The following MYBL1 variants were observed in gnomAD, a reference collection of about 807,000 sequenced individuals.
The protein encoded by MYBL1 is MYB proto-oncogene like 1.
MYBL1 carries 17 observed loss-of-function variants against 96.3 expected under a neutral mutation model. The observed-to-expected ratio is 0.18, with a 90% CI of 0.12 to 0.26. The LOEUF is 0.26. Among genes scored for constraint, MYBL1 ranks in the 10% least tolerant of loss-of-function variants. The pLI is 1.00. For synonymous variants in MYBL1, 282 were observed against 292.7 expected, an observed-to-expected ratio of 0.96 and a Z score of 0.37; for missense variants, 701 against 882.9, an observed-to-expected ratio of 0.79 and a Z score of 2.61.
intron 1 of MYBL1, among the ~76,000 whole-genome samples, chr8:66,607,237 AG>A (rs1419509239): frequency 6.6e-6 from 1 of 152,230 alleles, no homozygotes; most frequent in Non-Finnish European, 1.5e-5. Context: ...TAAATTGTTA[AG>A]TTCGACATGC....
intron 9 of MYBL1, among the ~76,000 whole-genome samples, chr8:66,577,681 C>A (rs1024922932): frequency 1.3e-5 from 2 of 152,004 alleles, no homozygotes; most frequent in African/African-American, 4.8e-5. Flanking sequence ...TCAGTGCCAT[C>A]CCCATCAAGC....
intron 8 of MYBL1, among the ~76,000 whole-genome samples, chr8:66,583,549 T>C (rs1257099073): frequency 1.4e-5 from 2 of 147,294 alleles, no homozygotes; most frequent in Non-Finnish European, 3.0e-5. Flanking sequence ...TTTAAAGAAA[T>C]AAACGAAATT....
chr8:66,599,297 C>A (rs1005822602), intron 3 of MYBL1, among the ~76,000 whole-genome samples, 155 bp from the exon 4 acceptor site: 10 of 152,112 alleles, frequency 6.6e-5, no homozygotes, highest in Non-Finnish European at 1.2e-4. Flanking sequence ...CATATCTCTG[C>A]CCCAATTATG....
In MYBL1 at chr8:66,566,689, T is replaced by C. The variant is rs1808516748; in HGVS notation, c.1945A>G (p.Met649Val). ...TQLLTEDISDMQSENRFTTSL... is the reference protein window; with the variant it reads ...TQLLTEDISDVQSENRFTTSL... ...AATAATAATCCTTTACAAACCTGCA[T>C]GTCTGAAATGTCTTCAGTCAACAGT... The change falls in exon 14 of 16, where the codon ATG (methionine) becomes GTG (valine). Residue 649 changes from methionine (M) to valine (V), a missense_variant. By Grantham distance (21) the Met-to-Val change is conservative (BLOSUM62 1). This residue lies in a region of MYBL1 where 137 missense variants were observed against 137.5 expected (regional missense o/e 1.00). Transcript: ENST00000522677. 2 of 1,583,952 alleles carry C rather than the reference T, an allele frequency of 1.3e-6. No homozygotes were observed. The highest frequency in any genetic ancestry group is 1.3e-5 in the African/African-American group (1 of 74,400).
chr8:66,591,181 T>C (rs1474268481), intron 8 of MYBL1, among the ~76,000 whole-genome samples: 1 of 151,984 alleles, frequency 6.6e-6, no homozygotes, highest in African/African-American at 2.4e-5. Flanking sequence ...ACCTAGTCTC[T>C]ACTAAAAATA....
At chr8:66,568,133 T>C (rs1162198522) in intron 12 of MYBL1, among the ~76,000 whole-genome samples, 1 of 149,900 alleles carries the variant, frequency 6.7e-6, no homozygotes, top group Non-Finnish European at 1.5e-5. Context: ...TTAGAGAGAA[T>C]GGTATTCATA....
At chr8:66,576,486 A>G (rs1001040787) in intron 9 of MYBL1, 111 bp from the exon 10 acceptor site, 51 of 1,282,760 alleles carry the variant, frequency 4.0e-5, no homozygotes, top group Non-Finnish European at 5.2e-5. Flanking sequence ...TTTTATCAGT[A>G]AAAATGCTTT....
intron 8 of MYBL1, among the ~76,000 whole-genome samples, chr8:66,581,789 G>A (rs1380936207): frequency 1.3e-5 from 2 of 152,050 alleles, no homozygotes; most frequent in Non-Finnish European, 2.9e-5. Flanking sequence ...AGAAGAGAAT[G>A]AAATGATATA....
intron 8 of MYBL1, among the ~76,000 whole-genome samples, chr8:66,591,713 T>C (rs1351304751): frequency 6.6e-6 from 1 of 152,164 alleles, no homozygotes; most frequent in Non-Finnish European, 1.5e-5. Flanking sequence ...AAAATAATTT[T>C]GGAGCTCATA....
At position 66,597,559 on chromosome 8, in the gene MYBL1, C is replaced by T. The variant is rs759353652; in HGVS notation, c.292-9G>A. On this transcript the variant is annotated splice_polypyrimidine_tract_variant and intron_variant, in intron 4 of 15. Transcript: ENST00000522677. ...TGAACTAATTCAATAACCTAGGAAA[C>T]AGAAAAACAAAGTTTAAAAAAGCAT... 4.2e-5 allele frequency: 64 copies of T among 1,539,120 alleles called. No homozygotes were observed. The highest frequency in any genetic ancestry group is 1.9e-4 in the Admixed American group (10 of 52,512).
At chr8:66,568,315 G>C (rs1808592924) in intron 12 of MYBL1, among the ~76,000 whole-genome samples, 1 of 152,030 alleles carries the variant, frequency 6.6e-6, no homozygotes, top group African/African-American at 2.4e-5. Flanking sequence ...ATCTTGCTCT[G>C]TCACCCAGGC....
chr8:66,564,717 A>C lies in MYBL1; in HGVS notation c.2239T>G (p.Ser747Ala), dbSNP rs1213014061. The change falls in exon 16 of 16, where the codon TCA (serine) becomes GCA (alanine). Residue 747 changes from serine to alanine, a missense_variant. By Grantham distance (99) the Ser-to-Ala change is moderately conservative (BLOSUM62 1). Coordinates refer to ENST00000522677, the MANE Select transcript of MYBL1 (RefSeq NM_001080416.4). ...LSTYTATSST[S>A]RALIL is the part of the protein sequence containing the mutation. ...AACAATTACAGTATGAGAGCTCTTG[A>C]AGTACTACTGGTAGCTGTGTAAGTA... is the stretch of plus-strand genomic sequence containing the variant. The C allele has an allele frequency of 6.3e-7, 1 of 1,580,234 alleles. No homozygotes were observed. The highest frequency in any genetic ancestry group is 1.8e-5 in the Admixed American group (1 of 56,426).
At chr8:66,565,871 T>C (rs1808483204) in intron 15 of MYBL1, among the ~76,000 whole-genome samples, 193 bp downstream of exon 15, 3 of 152,112 alleles carry the variant, frequency 2.0e-5, no homozygotes, top group Non-Finnish European at 4.4e-5. Flanking sequence ...GCTTCAATTG[T>C]TTAGTTTATA....
At chr8:66,598,567 T>C (rs1809941949) in intron 4 of MYBL1, among the ~76,000 whole-genome samples, 2 of 152,180 alleles carry the variant, frequency 1.3e-5, no homozygotes, top group Admixed American at 6.5e-5. Flanking sequence ...GTACAAACAA[T>C]GACCTTGGTT....
At chr8:66,609,725 T>G (rs911975388) in intron 1 of MYBL1, among the ~76,000 whole-genome samples, 1 of 152,020 alleles carries the variant, frequency 6.6e-6, no homozygotes, top group Admixed American at 6.5e-5. Context: ...ATGTATATAC[T>G]TTTAAATAAG....
rs1808399952 is a variant in MYBL1 at position 66,563,724 on chromosome 8, A to G, written c.*973T>C. 1 of 152,398 alleles carries G rather than the reference A, an allele frequency of 6.6e-6. No individual in the cohort carries two copies. Among genetic ancestry groups the G allele is most frequent in the African/African-American group, 2.4e-5 (1 of 41,442 alleles). The allele number at this position is 152,398 out of a possible 1,614,324, so 9.4% of individuals were successfully genotyped here. ...TTTAAAAAGAAAATATTAAATTATT[A>G]TTTAGTACATTTTTAGAACTACTTT... On this transcript the variant is annotated 3_prime_UTR_variant, in exon 16 of 16. Transcript: ENST00000522677.
At chr8:66,609,924 C>T (rs1810463733) in intron 1 of MYBL1, among the ~76,000 whole-genome samples, 1 of 151,940 alleles carries the variant, frequency 6.6e-6, no homozygotes, top group Non-Finnish European at 1.5e-5. Flanking sequence ...ATTTCACTCC[C>T]ACCCATTTTG....
chr8:66,602,716 TA>T, intron 1 of MYBL1, among the ~76,000 whole-genome samples, 193 bp from the exon 2 acceptor site: 5 of 40,746 alleles, frequency 1.2e-4, no homozygotes, highest in African/African-American at 4.6e-4. Context: ...TATATATATA[TA>T]TATATATATA....
intron 2 of MYBL1, among the ~76,000 whole-genome samples, chr8:66,602,169 C>T (rs915536767): frequency 6.6e-6 from 1 of 151,996 alleles, no homozygotes; most frequent in African/African-American, 2.4e-5. Context: ...CCTGCCTCAG[C>T]CTCCCAAGTA....
Sources: gnomAD v4.1 joint callset for allele counts (sites outside exome capture counted in the v4.1 genomes callset) on GRCh38, gnomAD v4.1.1 for gene constraint, gnomAD v4.1.1 regional missense constraint, MANE v1.5 for transcripts, NCBI Gene and HGNC (gene_info 2026-07-23, HGNC 2026-07-21) for gene names.